NBPF10: variants seen among roughly 807,000 people sequenced by gnomAD.
NBPF10 encodes the protein NBPF family member NBPF10.
A neutral mutation model predicts 77.9 loss-of-function variants in NBPF10; 63 were observed. The observed-to-expected ratio is 0.81, with a 90% CI of 0.66 to 1.00. NBPF10 has a LOEUF of 1.00. Among genes scored for constraint, NBPF10 ranks in the 50% least tolerant of loss-of-function variants. NBPF10 has a pLI of 0.00. For synonymous variants in NBPF10, 146 were observed against 264.5 expected, an observed-to-expected ratio of 0.55 and a Z score of 4.35; for missense variants, 522 against 679.8, an observed-to-expected ratio of 0.77 and a Z score of 2.58.
chr1:146,076,274 C>CAG (rs1656037853), intron 77 of NBPF10, among the ~76,000 whole-genome samples: 4 of 12,368 alleles, frequency 3.2e-4, no homozygotes, highest in African/African-American at 6.2e-4. Flanking sequence ...CACACACACA[C>CAG]ACACACACAC....
At chr1:146,138,803 G>C (rs1478985202) in intron 5 of NBPF10, among the ~76,000 whole-genome samples, 1 of 138,520 alleles carries the variant, frequency 7.2e-6, no homozygotes, top group Admixed American at 7.3e-5. Context: ...TTTTTTGTTT[G>C]AGACGGAGTC....
intron 13 of NBPF10, among the ~76,000 whole-genome samples, chr1:146,126,730 C>T (rs1360771470): frequency 1.4e-5 from 2 of 145,504 alleles, no homozygotes; most frequent in Non-Finnish European, 1.5e-5. Flanking sequence ...GAACAGTGAT[C>T]ATGAAAAGCA....
exon 14 of NBPF10, chr1:146,126,399 C>T (rs782064835): frequency 1.7e-5 from 22 of 1,269,912 alleles, no homozygotes; most frequent in South Asian, 1.2e-5. Context: ...CCAGCAGCTC[C>T]CTGCTGAGCG....
intron 89 of NBPF10, among the ~76,000 whole-genome samples, chr1:146,066,910 T>C (rs587739934): frequency 1.1e-3 from 166 of 146,916 alleles, no homozygotes; most frequent in Middle Eastern, 3.5e-3. Context: ...GTGAGCTCAA[T>C]AGTTTTCCAT....
At chr1:146,121,832 C>T (rs1270960674) in intron 19 of NBPF10, among the ~76,000 whole-genome samples, 162 bp from the exon 20 acceptor site, 588 of 144,804 alleles carry the variant, frequency 4.1e-3, no homozygotes, top group Non-Finnish European at 5.4e-3. Flanking sequence ...TAGAACAGGG[C>T]CAGGTAGAAA....
At chr1:146,139,234 G>A (rs1238735728) in intron 5 of NBPF10, among the ~76,000 whole-genome samples, 60 of 148,850 alleles carry the variant, frequency 4.0e-4, no homozygotes, top group African/African-American at 1.4e-3. Flanking sequence ...TGAGTAGCTG[G>A]GACTACAGGC....
intron 88 of NBPF10, among the ~76,000 whole-genome samples, 156 bp downstream of exon 88, chr1:146,067,847 G>A (rs1161406130): frequency 2.7e-4 from 41 of 151,902 alleles, no homozygotes; most frequent in East Asian, 9.8e-4. Context: ...TAGGCTTCCA[G>A]CTGAGACTAC....
exon 82 of NBPF10, chr1:146,072,753 G>C: frequency 1.3e-5 from 1 of 77,696 alleles, no homozygotes; most frequent in South Asian, 5.5e-5. Context: ...GCCAAGCCAA[G>C]GTACTGTTCC....
intron 89 of NBPF10, among the ~76,000 whole-genome samples, chr1:146,066,854 G>C (rs1384813315): frequency 3.3e-5 from 5 of 151,358 alleles, no homozygotes; most frequent in East Asian, 1.9e-4. Context: ...AGGACACTCT[G>C]ACTTAGTGCC....
intron 13 of NBPF10, among the ~76,000 whole-genome samples, 167 bp from the exon 14 acceptor site, chr1:146,126,575 T>G (rs1341982882): frequency 4.2e-5 from 6 of 141,470 alleles, no homozygotes; most frequent in Non-Finnish European, 7.7e-5. Flanking sequence ...TAGGGCCAGG[T>G]AGAAAAGGAT....
At chr1:146,067,385 T>G in intron 88 of NBPF10, 97 bp from the exon 89 acceptor site, 2 of 369,036 alleles carry the variant, frequency 5.4e-6, no homozygotes, top group South Asian at 4.4e-5. Context: ...CTCAGGCTCC[T>G]CAGCATAAGA....
chr1:146,121,973 GAC>G (rs1658232478), intron 19 of NBPF10, among the ~76,000 whole-genome samples: 1 of 127,714 alleles, frequency 7.8e-6, no homozygotes, highest in East Asian at 2.8e-4. Flanking sequence ...GTGCCCTCAT[GAC>G]ACACAGCAAA....
At chr1:146,066,716 G>C (rs1445168217) in intron 89 of NBPF10, among the ~76,000 whole-genome samples, 155 bp from the exon 90 acceptor site, 1 of 148,882 alleles carries the variant, frequency 6.7e-6, no homozygotes, top group Non-Finnish European at 1.5e-5. Context: ...CTTTATGTTG[G>C]GATAGAACAG....
chr1:146,081,049 C>T (rs1313577246), intron 71 of NBPF10, among the ~76,000 whole-genome samples: 421 of 25,560 alleles, frequency 0.016, no homozygotes, highest in African/African-American at 0.023. Flanking sequence ...AGAGAGAGAA[C>T]GAGCTCAGTG....
chr1:146,127,980 C>A, intron 12 of NBPF10, 139 bp downstream of exon 12: 5 of 1,538,630 alleles, frequency 3.2e-6, no homozygotes, highest in Non-Finnish European at 4.5e-6. Context: ...TCCAGAGTGA[C>A]TGAAGTCTAC....
chr1:146,109,351 GA>G (rs1657358451), intron 35 of NBPF10, among the ~76,000 whole-genome samples: 1 of 73,668 alleles, frequency 1.4e-5, no homozygotes, highest in African/African-American at 4.3e-5. Context: ...CACACAGAGA[GA>G]GAGAGAGAGA....
exon 14 of NBPF10, chr1:146,126,286 G>A: frequency 6.2e-7 from 1 of 1,605,190 alleles, no homozygotes. Flanking sequence ...TATGTAAAAG[G>A]CACTTCTGTA....
chr1:146,066,635 A>G (rs1240859908), intron 89 of NBPF10, 74 bp from the exon 90 acceptor site: 2 of 512,890 alleles, frequency 3.9e-6, no homozygotes, highest in African/African-American at 4.5e-5. Flanking sequence ...AGATTTCAGA[A>G]GCAACATAAG....
intron 1 of NBPF10, among the ~76,000 whole-genome samples, chr1:146,143,360 T>C (rs1660494307): frequency 6.6e-6 from 1 of 151,288 alleles, no homozygotes; most frequent in Non-Finnish European, 1.5e-5. Context: ...ATTAGTTGTG[T>C]TAATTTAGAA....
Sources: allele counts gnomAD v4.1 joint callset (sites outside exome capture counted in the v4.1 genomes callset), GRCh38; gene constraint gnomAD v4.1.1; transcripts MANE v1.5; gene names NCBI Gene and HGNC (gene_info 2026-07-23, HGNC 2026-07-21).